Variants in FGD4 observed in about 807,000 individuals in gnomAD.
FGD4 encodes the protein FYVE, RhoGEF and PH domain-containing protein 4.
In FGD4, 42 loss-of-function variants were observed where a neutral mutation model predicts 102.0. The observed-to-expected ratio is 0.41, with a 90% CI of 0.32 to 0.53. The LOEUF (loss-of-function observed/expected upper bound fraction) is 0.53, where lower values mean the gene tolerates loss of function less well. Among genes scored for constraint, FGD4 ranks in the 20% least tolerant of loss-of-function variants. The pLI is 0.21. For missense variants in FGD4, 902 were observed against 1,078.2 expected (o/e 0.84, Z 2.29); for synonymous variants, 380 against 375.7 (o/e 1.01, Z -0.13).
Position 32,641,719 on chromosome 12 carries a change from T to A in FGD4, c.*1186T>A, listed in dbSNP as rs1951165042. On this transcript the variant is annotated 3_prime_UTR_variant, in exon 17 of 17. Coordinates refer to ENST00000534526, the MANE Select transcript of FGD4 (RefSeq NM_001370298.3). ...AGCATGGTTAAATAAGGTCTCTATA[T>A]AATGAACACTTAAGATAACTGTATG... 1 of 152,194 alleles carries A rather than the reference T, an allele frequency of 6.6e-6. No individual in the cohort carries two copies. Among genetic ancestry groups the A allele is most frequent in the African/African-American group, 2.4e-5 (1 of 41,462 alleles). 9.4% of individuals were successfully genotyped at this position (152,194 alleles called of 1,614,324 possible).
rs114745129 is a variant in FGD4, at chr12:32,423,295, A to G, written c.166+23336A>G. ...CAGTAAAGTGAAATCATGTTTATTA[A>G]GAAAGTTAAGGAATAGGCCAGCACG... is the stretch of plus-strand genomic sequence containing the variant. On this transcript the variant is annotated intron_variant, in intron 1 of 16. Coordinates refer to ENST00000534526, the MANE Select transcript of FGD4 (RefSeq NM_001370298.3). 5.6e-3 allele frequency among the ~76,000 whole-genome samples: 858 copies of G among 152,284 alleles called. 9 individuals are homozygous for G. Among genetic ancestry groups the G allele is most frequent in the African/African-American group, 0.019 (790 of 41,564 alleles).
intron 1 of FGD4, among the ~76,000 whole-genome samples, chr12:32,529,261 T>TGCACCACCACGC (rs1334668934): frequency 6.6e-5 from 10 of 151,940 alleles, no homozygotes; most frequent in African/African-American, 2.2e-4. Context: ...ACTACAGGCG[T>TGCACCACCACGC]GCACCACCAC....
chr12:32,611,061 A>T, intron 9 of FGD4, 76 bp from the exon 10 acceptor site: 1 of 1,550,244 alleles, frequency 6.5e-7, no homozygotes, highest in Non-Finnish European at 8.9e-7. Context: ...TTTAGATTTT[A>T]GTTAAGGTCA....
At chr12:32,473,005 A>G (rs1195615521) in intron 1 of FGD4, among the ~76,000 whole-genome samples, 3 of 151,588 alleles carry the variant, frequency 2.0e-5, no homozygotes, top group African/African-American at 2.4e-5. Context: ...AGGTTTGTAA[A>G]TGCACCAATC....
At chr12:32,508,467 C>T (rs971774891) in intron 1 of FGD4, among the ~76,000 whole-genome samples, 1 of 152,158 alleles carries the variant, frequency 6.6e-6, no homozygotes, top group Non-Finnish European at 1.5e-5. Context: ...TTATTATCAC[C>T]ACCACAATAT....
intron 1 of FGD4, among the ~76,000 whole-genome samples, chr12:32,426,462 T>G (rs1941840342): frequency 6.6e-6 from 1 of 152,216 alleles, no homozygotes; most frequent in African/African-American, 2.4e-5. Context: ...TGGATTCGGT[T>G]TACTAGTATT....
At chr12:32,492,187 A>T (rs1944118721) in intron 1 of FGD4, among the ~76,000 whole-genome samples, 1 of 152,206 alleles carries the variant, frequency 6.6e-6, no homozygotes, top group Non-Finnish European at 1.5e-5. Flanking sequence ...TATTTAAAGA[A>T]ACTTGAAATG....
chr12:32,443,817 C>G (rs1377677767), intron 1 of FGD4, among the ~76,000 whole-genome samples: 1 of 150,044 alleles, frequency 6.7e-6, no homozygotes, highest in African/African-American at 2.4e-5. Flanking sequence ...GTGCAGCCTT[C>G]AAGTTCAGTG....
chr12:32,474,057 C>T (rs544759986), intron 1 of FGD4, among the ~76,000 whole-genome samples: 15 of 151,116 alleles, frequency 9.9e-5, no homozygotes, highest in Non-Finnish European at 1.9e-4. Flanking sequence ...CACTGCACTC[C>T]AGCCTGGGTG....
intron 1 of FGD4, among the ~76,000 whole-genome samples, chr12:32,483,139 T>C (rs1288728706): frequency 6.6e-6 from 1 of 152,220 alleles, no homozygotes; most frequent in Non-Finnish European, 1.5e-5. Flanking sequence ...TGTGTGTGGG[T>C]AGAATACTAA....
At chr12:32,436,276 G>A (rs1942225358) in intron 1 of FGD4, among the ~76,000 whole-genome samples, 1 of 152,184 alleles carries the variant, frequency 6.6e-6, no homozygotes, top group African/African-American at 2.4e-5. Context: ...AACTTAATCA[G>A]CAACAGCAAC....
chr12:32,517,660 A>G (rs1056028420), intron 1 of FGD4, among the ~76,000 whole-genome samples: 6 of 152,168 alleles, frequency 3.9e-5, no homozygotes, highest in African/African-American at 1.4e-4. Flanking sequence ...TGAGAGGCCA[A>G]GGCAGGAGAA....
At chr12:32,404,196 C>T (rs898790139) in intron 1 of FGD4, among the ~76,000 whole-genome samples, 2 of 150,418 alleles carry the variant, frequency 1.3e-5, no homozygotes, top group African/African-American at 2.5e-5. Context: ...TTCAGCATCT[C>T]GGTGCTTTGT....
chr12:32,543,803 AT>A (rs1222924138), intron 1 of FGD4, among the ~76,000 whole-genome samples: 1 of 151,834 alleles, frequency 6.6e-6, no homozygotes, highest in East Asian at 1.9e-4. Flanking sequence ...ATTTTTTTGT[AT>A]TTTTAGTAGA....
chr12:32,448,770 C>A (rs1470043464), intron 1 of FGD4, among the ~76,000 whole-genome samples: 2 of 151,826 alleles, frequency 1.3e-5, no homozygotes, highest in Admixed American at 1.3e-4. Flanking sequence ...AACACAGGAG[C>A]AGCCTCATCA....
intron 1 of FGD4, among the ~76,000 whole-genome samples, chr12:32,444,775 G>A (rs1279634530): frequency 6.6e-6 from 1 of 152,166 alleles, no homozygotes; most frequent in African/African-American, 2.4e-5. Flanking sequence ...GAGACCTGAG[G>A]TGAAGATAAA....
chr12:32,631,283 T>C (rs915478907), intron 14 of FGD4, among the ~76,000 whole-genome samples: 1 of 152,154 alleles, frequency 6.6e-6, no homozygotes, highest in Non-Finnish European at 1.5e-5. Flanking sequence ...TTGGAGGGCC[T>C]TGTAAACCAA....
In FGD4 at chr12:32,619,354, T is replaced by A. The variant is rs542150400; in HGVS notation, c.1750-344T>A. 3.9e-5 allele frequency among the ~76,000 whole-genome samples: 6 copies of A among 151,972 alleles called. No homozygotes were observed. In the East Asian group the frequency reaches 9.7e-4, roughly 24 times the overall value. ...TAAAATTGATCTGTTTCCAGCCGGGTGCGGTGGCTCACACCTGTAATCCCA... is the reference window on the plus strand; with the variant it reads ...TAAAATTGATCTGTTTCCAGCCGGGAGCGGTGGCTCACACCTGTAATCCCA... On this transcript the variant is annotated intron_variant, in intron 10 of 16. Transcript: ENST00000534526.
chr12:32,502,310 C>T, intron 1 of FGD4: 1 of 985,284 alleles, frequency 1.0e-6, no homozygotes. Context: ...TGACTTCTGG[C>T]CAAGAGGAAT....
Sources: allele counts gnomAD v4.1 joint callset (sites outside exome capture counted in the v4.1 genomes callset), GRCh38; gene constraint gnomAD v4.1.1; transcripts MANE v1.5; gene names NCBI Gene and HGNC (gene_info 2026-07-23, HGNC 2026-07-21).